Variants in TOX2 observed in about 807,000 individuals in gnomAD.
TOX2 encodes the protein TOX high mobility group box family member 2, also known as granulosa cell HMG box 1.
TOX2 carries 15 observed loss-of-function variants against 47.4 expected under a neutral mutation model. That is an observed-to-expected ratio of 0.32 (90% CI 0.21 to 0.49). The LOEUF (loss-of-function observed/expected upper bound fraction) is 0.49. Among genes scored for constraint, TOX2 ranks in the 20% least tolerant of loss-of-function variants. The pLI, the probability that TOX2 is intolerant of heterozygous loss-of-function variation, is 0.99. For synonymous variants in TOX2, 290 were observed against 296.6 expected, an observed-to-expected ratio of 0.98 and a Z score of 0.23; for missense variants, 622 against 673.1, an observed-to-expected ratio of 0.92 and a Z score of 0.84.
chr20:43,989,354 A>G (rs2070328022), intron 2 of TOX2, among the ~76,000 whole-genome samples: 1 of 152,248 alleles, frequency 6.6e-6, no homozygotes, highest in Non-Finnish European at 1.5e-5. Context: ...GGAGCTGCCT[A>G]TAAAGACAGA....
At chr20:43,919,177 A>G (rs1252958685) in intron 1 of TOX2, among the ~76,000 whole-genome samples, 18 of 152,200 alleles carry the variant, frequency 1.2e-4, no homozygotes, top group Admixed American at 1.2e-3. Context: ...TCTGCCATCC[A>G]TCATTCTACC....
intron 1 of TOX2, among the ~76,000 whole-genome samples, chr20:43,939,650 G>A (rs143244631): frequency 7.2e-4 from 109 of 152,296 alleles, no homozygotes; most frequent in African/African-American, 2.2e-3. Flanking sequence ...GAGACCATTC[G>A]TATAGTCAGA....
At position 44,020,216 on chromosome 20, in the gene TOX2, G is replaced by A. The variant is rs372298352; in HGVS notation, c.411+13424G>A. On this transcript the variant is annotated intron_variant, in intron 3 of 8. Coordinates refer to ENST00000341197, the MANE Select transcript of TOX2 (RefSeq NM_001098797.2). ...GCGTGGATTAGGCCACGGAGTTGCT[G>A]GCATTTGTTCCCCAGTGTGAACTGT... Among the ~76,000 whole-genome samples the A allele has an allele frequency of 7.2e-5, 11 of 152,308 alleles. No individual in the cohort carries two copies. The East Asian group carries it at 1.2e-3, about 16-fold the overall frequency.
intron 1 of TOX2, among the ~76,000 whole-genome samples, chr20:43,932,811 G>A (rs1160082452): frequency 4.6e-5 from 7 of 151,474 alleles, no homozygotes; most frequent in Non-Finnish European, 7.4e-5. Context: ...GCAGGTCAGC[G>A]GCTTCTTCCT....
intron 3 of TOX2, among the ~76,000 whole-genome samples, chr20:44,032,415 G>A (rs1014160473): frequency 1.3e-5 from 2 of 152,228 alleles, no homozygotes; most frequent in Non-Finnish European, 2.9e-5. Context: ...CATAATGCCA[G>A]ATATCTCCTG....
intron 3 of TOX2, among the ~76,000 whole-genome samples, chr20:44,022,699 C>T (rs1480935900): frequency 6.6e-6 from 1 of 152,218 alleles, no homozygotes; most frequent in African/African-American, 2.4e-5. Context: ...TCTCTCGGTT[C>T]TGTCTGTCAC....
Position 43,915,692 on chromosome 20 carries a change from T to C in TOX2, c.99+702T>C, listed in dbSNP as rs573241528. On this transcript the variant is annotated intron_variant, in intron 1 of 8. Coordinates refer to ENST00000341197, the MANE Select transcript of TOX2 (RefSeq NM_001098797.2). This position sits in a 1 kb window ranked among gnomAD's most constrained non-coding sequence, Gnocchi z 7.1. ...TTAACTTCTCAGCGCCGCAGCACACTAATTGGGCAGTTTACTAATTGGCCG... is the reference window on the plus strand; with the variant it reads ...TTAACTTCTCAGCGCCGCAGCACACCAATTGGGCAGTTTACTAATTGGCCG... Among the ~76,000 whole-genome samples the C allele has an allele frequency of 6.6e-6, 1 of 152,274 alleles. No homozygotes were observed. Among genetic ancestry groups the C allele is most frequent in the South Asian group, 2.1e-4 (1 of 4,822 alleles).
chr20:44,028,633 TACAGACAG>T (rs11471274), intron 3 of TOX2, among the ~76,000 whole-genome samples: 1 of 151,452 alleles, frequency 6.6e-6, no homozygotes, highest in African/African-American at 2.4e-5. Context: ...ATTCCAGTGA[TACAGACAG>T]ACAAAGACGC....
chr20:43,997,136 T>C (rs1484352363), intron 2 of TOX2, among the ~76,000 whole-genome samples: 3 of 152,312 alleles, frequency 2.0e-5, no homozygotes, highest in Non-Finnish European at 2.9e-5. Context: ...CTCTTTCTTA[T>C]ACAGCATTGT....
chr20:43,954,002 C>T (rs903551573), intron 1 of TOX2, among the ~76,000 whole-genome samples: 1 of 152,168 alleles, frequency 6.6e-6, no homozygotes, highest in African/African-American at 2.4e-5. Flanking sequence ...GGAATCCATC[C>T]TCCACGTGGC....
chr20:44,037,190 G>A (rs2071255025), intron 3 of TOX2, among the ~76,000 whole-genome samples: 2 of 152,182 alleles, frequency 1.3e-5, no homozygotes. Context: ...CTGACCTCAG[G>A]TGATCCACCC....
At chr20:44,041,573 A>T (rs994422772) in intron 3 of TOX2, among the ~76,000 whole-genome samples, 1 of 152,108 alleles carries the variant, frequency 6.6e-6, no homozygotes, top group Non-Finnish European at 1.5e-5. Flanking sequence ...TGACTGTGAG[A>T]CCCTGAAGTG....
Position 43,914,979 on chromosome 20 carries a change from C to G in TOX2, c.88C>G (p.His30Asp). ...PAGLAHLDYYHGGKFDGDSAY... is the reference protein window; with the variant it reads ...PAGLAHLDYYDGGKFDGDSAY... ...CGGCCTGGCGCACCTGGACTATTAC[C>G]ACGGCGGCAAGGTAGGCGGGGGCGG... Residue 30 changes from histidine (H) to aspartate (D), a missense_variant, in exon 1 of 9, where the codon CAC (histidine) becomes GAC (aspartate). By Grantham distance (81) the His-to-Asp change is moderately conservative. This residue lies in a region of TOX2 where 307 missense variants were observed against 327.3 expected (regional missense o/e 0.94). Coordinates refer to ENST00000341197, the MANE Select transcript of TOX2 (RefSeq NM_001098797.2). This position sits in a 1 kb window ranked among gnomAD's most constrained non-coding sequence, Gnocchi z 4.5. 1 of 1,251,358 alleles carries G rather than the reference C, an allele frequency of 8.0e-7. No homozygotes were observed. Among genetic ancestry groups the G allele is most frequent in the South Asian group, 2.6e-5 (1 of 38,134 alleles). The allele number at this position is 1,251,358 out of a possible 1,614,324, so 77.5% of individuals were successfully genotyped here.
intron 3 of TOX2, among the ~76,000 whole-genome samples, chr20:44,009,257 C>T (rs2070740611): frequency 6.6e-6 from 1 of 152,144 alleles, no homozygotes; most frequent in Admixed American, 6.5e-5. Flanking sequence ...TTCAAAAAAG[C>T]GGTGTCCTCT....
intron 5 of TOX2, among the ~76,000 whole-genome samples, chr20:44,059,623 T>C (rs1456030010): frequency 6.6e-6 from 1 of 152,108 alleles, no homozygotes; most frequent in African/African-American, 2.4e-5. Context: ...GTCCTATTTT[T>C]AGCCTCCTTA....
intron 1 of TOX2, among the ~76,000 whole-genome samples, chr20:43,958,723 A>T (rs1467365428): frequency 6.6e-6 from 1 of 152,180 alleles, no homozygotes; most frequent in Non-Finnish European, 1.5e-5. Flanking sequence ...ACTGGGCTAA[A>T]TCTGGCTTCT....
At chr20:43,977,056 C>A (rs141625417) in intron 2 of TOX2, among the ~76,000 whole-genome samples, 2 of 152,332 alleles carry the variant, frequency 1.3e-5, no homozygotes, top group African/African-American at 4.8e-5. Flanking sequence ...CTGTGAATAT[C>A]AGTGGGAAGC....
At chr20:43,933,080 C>G (rs916967880) in intron 1 of TOX2, among the ~76,000 whole-genome samples, 2 of 152,192 alleles carry the variant, frequency 1.3e-5, no homozygotes, top group African/African-American at 2.4e-5. Flanking sequence ...TAGAGCTCAA[C>G]AGAAGGGTGA....
At chr20:43,954,629 A>G (rs2069636027) in intron 1 of TOX2, among the ~76,000 whole-genome samples, 1 of 152,184 alleles carries the variant, frequency 6.6e-6, no homozygotes, top group Non-Finnish European at 1.5e-5. Flanking sequence ...GAGGACAGAC[A>G]CCAGGCAGGG....
Sources: gnomAD v4.1 joint callset for allele counts (sites outside exome capture counted in the v4.1 genomes callset) on GRCh38, gnomAD v4.1.1 for gene constraint, gnomAD v4.1.1 regional missense constraint, Gnocchi (gnomAD v3.1) non-coding constraint, MANE v1.5 for transcripts, NCBI Gene and HGNC (gene_info 2026-07-23, HGNC 2026-07-21) for gene names.